The following ARSL variants were observed in gnomAD, a reference collection of about 807,000 sequenced individuals.
ARSL encodes arylsulfatase L.
Under a neutral mutation model 31.1 loss-of-function variants are expected in ARSL, and 4 were observed. That is an observed-to-expected ratio of 0.13 (90% confidence interval 0.06 to 0.29). The LOEUF (loss-of-function observed/expected upper bound fraction) is 0.29, where lower values mean the gene tolerates loss of function less well. ARSL is among the 10% of genes least tolerant of loss of function. ARSL has a pLI of 1.00. For missense variants in ARSL, 312 were observed against 497.8 expected (o/e 0.63, Z 3.55); for synonymous variants, 198 against 209.9 (o/e 0.94, Z 0.49).
intron 7 of ARSL, among the ~76,000 whole-genome samples, chrX:2,944,254 G>T (rs981658358): frequency 2.7e-5 from 3 of 109,162 alleles, no homozygotes; most frequent in Non-Finnish European, 1.9e-5. Flanking sequence ...AGCAGTTCGA[G>T]ACCAGCCTGG....
chrX:2,954,704 T>G (rs1470010429), intron 4 of ARSL, among the ~76,000 whole-genome samples: 1 of 111,723 alleles, frequency 9.0e-6, no homozygotes, highest in Non-Finnish European at 1.9e-5. Flanking sequence ...ATTGGAGAGA[T>G]AGTTTATTAC....
chrX:2,941,668 C>T (rs1372857216), intron 8 of ARSL, among the ~76,000 whole-genome samples: 1 of 112,092 alleles, frequency 8.9e-6, no homozygotes, highest in Non-Finnish European at 1.9e-5. Flanking sequence ...CTGGAAGCCC[C>T]GTGGCTTTGA....
At chrX:2,944,236 A>G (rs1213180788) in intron 7 of ARSL, among the ~76,000 whole-genome samples, 1 of 109,100 alleles carries the variant, frequency 9.2e-6, no homozygotes, top group Non-Finnish European at 1.9e-5. Context: ...CGGGCGGATC[A>G]CAAGGTCAGC....
chrX:2,949,402 A>G lies in ARSL; in HGVS notation c.756T>C (p.Asp252=). 1 of 1,211,141 alleles carries G rather than the reference A, an allele frequency of 8.3e-7. No homozygotes were observed. Among genetic ancestry groups the G allele is most frequent in the South Asian group, 1.8e-5 (1 of 56,917 alleles). The change falls in exon 6 of 11, where the codon GAT becomes GAC. Residue 252 remains aspartate, a synonymous_variant. Coordinates refer to ENST00000381134, the MANE Select transcript of ARSL (RefSeq NM_000047.3). ...YFVGALIVHA[D]CFLMRNHTIT... ...TGGTGTGGTTTCTCATCAGAAAGCAATCGGCATGGACAATCAGAGCACCCA... is the reference window on the plus strand; with the variant it reads ...TGGTGTGGTTTCTCATCAGAAAGCAGTCGGCATGGACAATCAGAGCACCCA...
At chrX:2,944,296 G>A (rs765155709) in intron 7 of ARSL, among the ~76,000 whole-genome samples, 60 of 108,524 alleles carry the variant, frequency 5.5e-4, no homozygotes, top group East Asian at 4.1e-3. Context: ...TCTACTAAAA[G>A]TACAAAAATT....
chrX:2,959,760 A>C, intron 2 of ARSL: 1 of 1,122,000 alleles, frequency 8.9e-7, no homozygotes. Context: ...AGCACCATCA[A>C]GAGATCCAGA....
intron 3 of ARSL, among the ~76,000 whole-genome samples, chrX:2,957,210 G>A (rs1230665287): frequency 9.8e-6 from 1 of 102,111 alleles, no homozygotes; most frequent in Non-Finnish European, 1.9e-5. Context: ...GACAGAGCGA[G>A]ACTCCGTCTC....
intron 10 of ARSL, among the ~76,000 whole-genome samples, chrX:2,936,251 C>A (rs765929805): frequency 5.4e-5 from 6 of 110,257 alleles, no homozygotes; most frequent in Non-Finnish European, 1.9e-5. Flanking sequence ...AGGAGAATCA[C>A]TTGAACCCGG....
chrX:2,959,614 A>G (rs1366797466), intron 2 of ARSL: 1 of 1,151,846 alleles, frequency 8.7e-7, no homozygotes, highest in East Asian at 3.3e-5. Context: ...TGATTTGCAG[A>G]GAATGAAATA....
chrX:2,939,523 C>T (rs775633903), intron 8 of ARSL, among the ~76,000 whole-genome samples: 1 of 112,065 alleles, frequency 8.9e-6, no homozygotes, highest in East Asian at 2.8e-4. Context: ...AGGAGTCAGG[C>T]CTTCAATGTG....
chrX:2,957,406 C>T (rs2089540342), intron 3 of ARSL, among the ~76,000 whole-genome samples: 1 of 109,190 alleles, frequency 9.2e-6, no homozygotes, highest in Non-Finnish European at 1.9e-5. Flanking sequence ...GGATAAAAAT[C>T]ATATTTAAAA....
In ARSL at chrX:2,949,395, G is replaced by A. The variant is rs752855655; in HGVS notation, c.763C>T (p.Leu255=). 3.3e-6 allele frequency: 4 copies of A among 1,211,381 alleles called. No homozygotes were observed. In the South Asian group the frequency reaches 5.3e-5, roughly 16 times the overall value. ...TCCGTGATGGTGTGGTTTCTCATCAGAAAGCAATCGGCATGGACAATCAGA... is the reference window on the plus strand; with the variant it reads ...TCCGTGATGGTGTGGTTTCTCATCAAAAAGCAATCGGCATGGACAATCAGA... ...GALIVHADCF[L]MRNHTITEQP... The change falls in exon 6 of 11, where the codon CTG becomes TTG. Residue 255 remains leucine, a synonymous_variant. Coordinates refer to ENST00000381134, the MANE Select transcript of ARSL (RefSeq NM_000047.3).
intron 4 of ARSL, 52 bp from the exon 5 acceptor site, chrX:2,953,317 TTTG>T (rs2089486201): frequency 1.7e-6 from 2 of 1,158,098 alleles, no homozygotes; most frequent in Non-Finnish European, 2.3e-6. Flanking sequence ...TTTTTTCCTG[TTTG>T]TTATTTATTA....
Position 2,946,322 on chromosome X carries a change from CTTTTTTT to C in ARSL, c.855-195_855-189del, listed in dbSNP as rs747661858. Among the ~76,000 whole-genome samples the C allele has an allele frequency of 0.027, 1,878 of 69,159 alleles. 80 individuals are homozygous for C. The highest frequency in any genetic ancestry group is 0.11 in the African/African-American group (1,736 of 15,437). 60.1% of individuals were successfully genotyped at this position (69,159 alleles called of 115,157 possible). ...TTAATTCTTATATTTAACAATCTTC[CTTTTTTT>C]TTTTTTTTTTTTTTTTTGGCTATTT... On this transcript the variant is annotated intron_variant, in intron 6 of 10. Transcript: ENST00000381134.
rs2089417928 is a variant in ARSL, at chrX:2,948,684, TCTTG to T, written c.854+616_854+619del. ...TTTTAAAATTTTTGTGGAAATGGGG[TCTTG>T]CTGTGTTGTCCAGGCTGGTCTCTAA... On this transcript the variant is annotated intron_variant, in intron 6 of 10. Transcript: ENST00000381134. 3.6e-5 allele frequency among the ~76,000 whole-genome samples: 4 copies of T among 110,711 alleles called. No individual in the cohort carries two copies. In the Admixed American group the frequency reaches 3.9e-4, roughly 11 times the overall value.
chrX:2,964,633 T>A, upstream of ARSL: 6 of 176,853 alleles, frequency 3.4e-5, no homozygotes, highest in Non-Finnish European at 5.4e-5. Context: ...CTTAGGTTTT[T>A]AAGTGATTGC....
chrX:2,960,532 A>G (rs996534891), intron 1 of ARSL, 112 bp from the exon 2 acceptor site: 3 of 685,282 alleles, frequency 4.4e-6, no homozygotes, highest in African/African-American at 4.3e-5. Context: ...CATGATATCA[A>G]TAGCAAAAAT....
At chrX:2,963,306 A>G (rs992940418) in intron 1 of ARSL, among the ~76,000 whole-genome samples, 3 of 111,187 alleles carry the variant, frequency 2.7e-5, no homozygotes, top group Non-Finnish European at 5.7e-5. Flanking sequence ...GAAAACCAAA[A>G]TGAGCATTTT....
chrX:2,957,869 A>G (rs1238656376), intron 3 of ARSL, among the ~76,000 whole-genome samples: 5 of 109,573 alleles, frequency 4.6e-5, no homozygotes, highest in African/African-American at 1.7e-4. Flanking sequence ...GAAACTTACA[A>G]ATTACCCAAG....
Sources: allele counts gnomAD v4.1 joint callset (sites outside exome capture counted in the v4.1 genomes callset), GRCh38; gene constraint gnomAD v4.1.1; transcripts MANE v1.5; gene names NCBI Gene and HGNC (gene_info 2026-07-23, HGNC 2026-07-21).